Variants in MEIKIN observed in about 807,000 individuals in gnomAD.
MEIKIN encodes meiotic kinetochore factor.
chr5:131,892,296 T>C (rs1182144638), intron 8 of MEIKIN, among the ~76,000 whole-genome samples: 6 of 152,232 alleles, frequency 3.9e-5, no homozygotes, highest in Admixed American at 3.3e-4. Flanking sequence ...TCCTGAATAG[T>C]ATCCTGCAGA....
chr5:131,873,234 G>C (rs186173557), intron 9 of MEIKIN, among the ~76,000 whole-genome samples: 3 of 152,260 alleles, frequency 2.0e-5, no homozygotes, highest in East Asian at 1.9e-4. Context: ...ACCCATCAGT[G>C]TGCTGTATTC....
intron 5 of MEIKIN, among the ~76,000 whole-genome samples, chr5:131,925,737 C>T (rs766220996): frequency 2.2e-4 from 33 of 152,040 alleles, no homozygotes; most frequent in African/African-American, 7.2e-4. Flanking sequence ...GGCATGATCC[C>T]GGCCCACTGC....
intron 10 of MEIKIN, among the ~76,000 whole-genome samples, chr5:131,852,202 T>C (rs113688511): frequency 9.7e-4 from 148 of 152,242 alleles, no homozygotes; most frequent in African/African-American, 3.5e-3. Flanking sequence ...TGTGAGGTGA[T>C]TGAATCATGG....
chr5:131,857,440 T>C (rs1750214353), intron 9 of MEIKIN, among the ~76,000 whole-genome samples: 1 of 152,198 alleles, frequency 6.6e-6, no homozygotes, highest in Non-Finnish European at 1.5e-5. Context: ...TTTGGGTAAC[T>C]GTAGGACCTG....
At chr5:131,880,429 C>T (rs1315668048) in intron 8 of MEIKIN, among the ~76,000 whole-genome samples, 1 of 135,506 alleles carries the variant, frequency 7.4e-6, no homozygotes, top group Non-Finnish European at 1.6e-5. Flanking sequence ...TAAGTAGAGA[C>T]GGGGGTCTCA....
At chr5:131,840,389 GA>G (rs965751877) in intron 11 of MEIKIN, among the ~76,000 whole-genome samples, 1 of 152,106 alleles carries the variant, frequency 6.6e-6, no homozygotes, top group African/African-American at 2.4e-5. Flanking sequence ...TGCATTTCCT[GA>G]GTTAAAATGT....
At chr5:131,921,701 A>G (rs963242027) in intron 6 of MEIKIN, 121 bp downstream of exon 6, 1 of 392,036 alleles carries the variant, frequency 2.6e-6, no homozygotes, top group Non-Finnish European at 4.5e-6. Context: ...TGCTATTATT[A>G]GATATTATCT....
intron 12 of MEIKIN, among the ~76,000 whole-genome samples, chr5:131,817,035 G>T (rs1446622469): frequency 6.6e-6 from 1 of 152,168 alleles, no homozygotes; most frequent in African/African-American, 2.4e-5. Flanking sequence ...AAAGTGGTCA[G>T]GCACCATCCA....
intron 5 of MEIKIN, among the ~76,000 whole-genome samples, chr5:131,926,986 A>G (rs1199991924): frequency 1.3e-5 from 2 of 151,750 alleles, no homozygotes; most frequent in African/African-American, 4.8e-5. Flanking sequence ...ATTTTTTTCA[A>G]TTTTCTGTTC....
At position 131,848,607 on chromosome 5, in the gene MEIKIN, TA is replaced by T. The variant is rs1750058524; in HGVS notation, c.975+2656del. Among the ~76,000 whole-genome samples the T allele has an allele frequency of 2.6e-5, 4 of 152,274 alleles. No individual in the cohort carries two copies. The South Asian group carries it at 8.3e-4, about 32-fold the overall frequency. ...GAATTCTACCAAACATTTAAAGAAC[TA>T]AAACCAATACTTCTCTAACTTTCCA... On this transcript the variant is annotated intron_variant, in intron 11 of 12. Transcript: ENST00000442687.
At chr5:131,863,694 C>T (rs1312561294) in intron 9 of MEIKIN, among the ~76,000 whole-genome samples, 1 of 151,350 alleles carries the variant, frequency 6.6e-6, no homozygotes. Context: ...GGCTCTGTGT[C>T]CCCACCCAAA....
At chr5:131,826,078 CT>C (rs1749603528) in intron 11 of MEIKIN, among the ~76,000 whole-genome samples, 2 of 137,276 alleles carry the variant, frequency 1.5e-5, no homozygotes, top group Admixed American at 8.3e-5. Context: ...GTGAATTTTT[CT>C]TGTTTTCTTT....
chr5:131,913,254 A>C (rs1282653461), intron 7 of MEIKIN, among the ~76,000 whole-genome samples: 1 of 152,184 alleles, frequency 6.6e-6, no homozygotes, highest in African/African-American at 2.4e-5. Flanking sequence ...AGGAAGTCAT[A>C]TTGGGCATAA....
chr5:131,903,739 T>C (rs1170793324), intron 8 of MEIKIN, among the ~76,000 whole-genome samples: 2 of 152,030 alleles, frequency 1.3e-5, no homozygotes, highest in African/African-American at 2.4e-5. Context: ...CAAGTATGCA[T>C]AATAACCAAC....
intron 9 of MEIKIN, among the ~76,000 whole-genome samples, chr5:131,875,981 T>C (rs565001331): frequency 2.6e-5 from 4 of 152,254 alleles, no homozygotes; most frequent in South Asian, 2.1e-4. Flanking sequence ...TTACACCTTA[T>C]ACAAAAATTA....
intron 11 of MEIKIN, among the ~76,000 whole-genome samples, chr5:131,840,398 T>C (rs1442601080): frequency 6.6e-6 from 1 of 152,198 alleles, no homozygotes; most frequent in Non-Finnish European, 1.5e-5. Flanking sequence ...TGAGTTAAAA[T>C]GTTGGCCTCT....
At chr5:131,898,546 C>A (rs531104353) in intron 8 of MEIKIN, among the ~76,000 whole-genome samples, 4 of 152,336 alleles carry the variant, frequency 2.6e-5, no homozygotes, top group African/African-American at 7.2e-5. Context: ...AGTCTATAGA[C>A]GCAGTAAGCC....
At chr5:131,900,461 C>T (rs543086611) in intron 8 of MEIKIN, among the ~76,000 whole-genome samples, 1 of 152,082 alleles carries the variant, frequency 6.6e-6, no homozygotes, top group East Asian at 1.9e-4. Flanking sequence ...CTCTGGAATC[C>T]TGGCAGGAGA....
intron 12 of MEIKIN, among the ~76,000 whole-genome samples, chr5:131,809,167 T>A (rs1481234086): frequency 1.3e-5 from 2 of 152,208 alleles, no homozygotes; most frequent in Non-Finnish European, 2.9e-5. Context: ...TATGTCTTTA[T>A]CTCAATATCA....
Sources: allele counts gnomAD v4.1 joint callset (sites outside exome capture counted in the v4.1 genomes callset), GRCh38; gene constraint gnomAD v4.1.1; transcripts MANE v1.5; gene names NCBI Gene and HGNC (gene_info 2026-07-23, HGNC 2026-07-21).